Variants in PXDNL observed in about 807,000 individuals in gnomAD.
PXDNL encodes peroxidasin like.
A neutral mutation model predicts 150.8 loss-of-function variants in PXDNL; 145 were observed. The ratio of observed to expected loss-of-function variants is 0.96; its 90% confidence interval spans 0.84 to 1.10. The LOEUF is 1.10. PXDNL is among the 50% of genes least tolerant of loss of function. PXDNL has a pLI of 0.00. For missense variants in PXDNL, 2,087 were observed against 1,873.9 expected, an observed-to-expected ratio of 1.11 and a Z score of -2.10; for synonymous variants, 757 against 725.7, an observed-to-expected ratio of 1.04 and a Z score of -0.69.
At chr8:51,643,412 T>G (rs1384218753) in intron 2 of PXDNL, among the ~76,000 whole-genome samples, 1 of 152,138 alleles carries the variant, frequency 6.6e-6, no homozygotes, top group Non-Finnish European at 1.5e-5. Flanking sequence ...ATCTGATCTT[T>G]GACAAACCTG....
At chr8:51,634,386 C>A (rs948441094) in intron 2 of PXDNL, among the ~76,000 whole-genome samples, 1 of 151,892 alleles carries the variant, frequency 6.6e-6, no homozygotes, top group African/African-American at 2.4e-5. Flanking sequence ...ACTATAGCCT[C>A]ATAATATAGT....
chr8:51,592,752 A>G (rs1243263960), intron 2 of PXDNL, 54 bp from the exon 3 acceptor site: 4 of 1,292,574 alleles, frequency 3.1e-6, no homozygotes, highest in Admixed American at 4.4e-5. Context: ...GACTCTGCAA[A>G]CATTAAAATA....
chr8:51,571,065 T>A (rs989776096), intron 3 of PXDNL, among the ~76,000 whole-genome samples: 3 of 151,308 alleles, frequency 2.0e-5, no homozygotes, highest in Non-Finnish European at 3.0e-5. Context: ...CAATTAAAAA[T>A]TTTTCACCCC....
chr8:51,785,982 C>T (rs2037457190), intron 1 of PXDNL, among the ~76,000 whole-genome samples: 1 of 152,068 alleles, frequency 6.6e-6, no homozygotes, highest in Non-Finnish European at 1.5e-5. Context: ...GATGAGGAGG[C>T]TAGAGAAGAA....
intron 3 of PXDNL, among the ~76,000 whole-genome samples, chr8:51,580,547 C>T (rs1229671493): frequency 6.6e-6 from 1 of 152,124 alleles, no homozygotes; most frequent in Non-Finnish European, 1.5e-5. Flanking sequence ...TTGTTCCACA[C>T]ATCTGTTCAT....
At chr8:51,399,484 T>C (rs116361953) in intron 17 of PXDNL, among the ~76,000 whole-genome samples, 1 of 152,140 alleles carries the variant, frequency 6.6e-6, no homozygotes, top group Non-Finnish European at 1.5e-5. Context: ...AAACAATACA[T>C]ACGGTGTGAT....
At chr8:51,423,214 TA>T (rs1235235470) in intron 14 of PXDNL, among the ~76,000 whole-genome samples, 1 of 152,218 alleles carries the variant, frequency 6.6e-6, no homozygotes, top group Non-Finnish European at 1.5e-5. Context: ...TATACTAGGC[TA>T]GAGTATGTAG....
intron 1 of PXDNL, among the ~76,000 whole-genome samples, chr8:51,731,927 G>C (rs1816941988): frequency 6.6e-6 from 1 of 152,172 alleles, no homozygotes; most frequent in Admixed American, 6.5e-5. Flanking sequence ...GGCCTGTGAT[G>C]GGAGGGGCTG....
chr8:51,681,496 T>C (rs1815749765), intron 1 of PXDNL, among the ~76,000 whole-genome samples: 1 of 152,190 alleles, frequency 6.6e-6, no homozygotes, highest in Non-Finnish European at 1.5e-5. Context: ...CCTCTGGCTT[T>C]CCTGGGCAAG....
intron 10 of PXDNL, among the ~76,000 whole-genome samples, chr8:51,450,144 A>G (rs925108045): frequency 6.6e-6 from 1 of 152,218 alleles, no homozygotes; most frequent in African/African-American, 2.4e-5. Flanking sequence ...TGGCATTTGT[A>G]AACTGTCCTG....
At chr8:51,369,348 T>A (rs1807020659) in intron 19 of PXDNL, among the ~76,000 whole-genome samples, 1 of 152,208 alleles carries the variant, frequency 6.6e-6, no homozygotes, top group Admixed American at 6.5e-5. Flanking sequence ...CCAGCAGGCC[T>A]CTAATCTACA....
chr8:51,674,716 G>A (rs1815571869), intron 1 of PXDNL, among the ~76,000 whole-genome samples: 1 of 152,182 alleles, frequency 6.6e-6, no homozygotes, highest in Non-Finnish European at 1.5e-5. Flanking sequence ...TACCCATCAC[G>A]GCAGCAAAAG....
rs549792669 is a variant in PXDNL at position 51,779,693 on chromosome 8, T to C, written c.164+29488A>G. ...ATCTCATGGATTCCGCTCTGACAAT[T>C]GTGCATGTTCTTGGTAACCAGAAGG... On this transcript the variant is annotated intron_variant, in intron 1 of 22. Coordinates refer to ENST00000356297, the MANE Select transcript of PXDNL (RefSeq NM_144651.5). Among the ~76,000 whole-genome samples the C allele has an allele frequency of 6.6e-5, 10 of 152,356 alleles. No homozygotes were observed. The South Asian group carries it at 1.5e-3, about 22-fold the overall frequency.
At chr8:51,447,439 C>T (rs966008779) in intron 11 of PXDNL, among the ~76,000 whole-genome samples, 1 of 152,128 alleles carries the variant, frequency 6.6e-6, no homozygotes, top group African/African-American at 2.4e-5. Flanking sequence ...TTGTGCCCCT[C>T]GGCCTTACTA....
At chr8:51,402,504 G>C (rs1586073932) in intron 17 of PXDNL, among the ~76,000 whole-genome samples, 1 of 152,108 alleles carries the variant, frequency 6.6e-6, no homozygotes, top group East Asian at 1.9e-4. Flanking sequence ...GGGTGACAGA[G>C]AAAGACTCCG....
chr8:51,690,041 C>G, intron 1 of PXDNL, among the ~76,000 whole-genome samples: 1 of 152,212 alleles, frequency 6.6e-6, no homozygotes, highest in East Asian at 1.9e-4. Flanking sequence ...CTCCTAACCT[C>G]TCTGATAATA....
intron 19 of PXDNL, among the ~76,000 whole-genome samples, chr8:51,353,077 T>C (rs1409569156): frequency 6.6e-6 from 1 of 152,048 alleles, no homozygotes; most frequent in Admixed American, 6.6e-5. Flanking sequence ...ACAATCTTCT[T>C]CTAATTTTCA....
At chr8:51,419,104 A>G (rs1231448707) in intron 14 of PXDNL, among the ~76,000 whole-genome samples, 1 of 152,186 alleles carries the variant, frequency 6.6e-6, no homozygotes, top group Non-Finnish European at 1.5e-5. Context: ...GTTCAAAATC[A>G]GTTTTTAACA....
chr8:51,782,172 A>AG (rs1248159136), intron 1 of PXDNL, among the ~76,000 whole-genome samples: 2 of 152,130 alleles, frequency 1.3e-5, no homozygotes, highest in African/African-American at 4.8e-5. Flanking sequence ...GACTCTTACA[A>AG]GGGGCCTACT....
Sources: gnomAD v4.1 joint callset for allele counts (sites outside exome capture counted in the v4.1 genomes callset) on GRCh38, gnomAD v4.1.1 for gene constraint, MANE v1.5 for transcripts, NCBI Gene and HGNC (gene_info 2026-07-23, HGNC 2026-07-21) for gene names.